GUCY1B1: variants seen among roughly 807,000 people sequenced by gnomAD.
GUCY1B1 encodes guanylate cyclase soluble subunit beta-1.
GUCY1B1 carries 43 observed loss-of-function variants against 71.0 expected under a neutral mutation model. That is an observed-to-expected ratio of 0.61 (90% CI 0.47 to 0.78). The LOEUF is 0.78. Among genes scored for constraint, GUCY1B1 ranks in the 30% least tolerant of loss-of-function variants. The pLI, the probability that GUCY1B1 is intolerant of heterozygous loss-of-function variation, is 0.00. For missense variants in GUCY1B1, 535 were observed against 754.1 expected (o/e 0.71, Z 3.40); for synonymous variants, 266 against 259.7 (o/e 1.02, Z -0.23).
At chr4:155,782,341 G>A (rs1231008192) in intron 4 of GUCY1B1, among the ~76,000 whole-genome samples, 1 of 152,066 alleles carries the variant, frequency 6.6e-6, no homozygotes, top group African/African-American at 2.4e-5. Flanking sequence ...CGCCCGCCTC[G>A]GCCTCCCAAA....
rs1330125671 is a variant in GUCY1B1, at chr4:155,795,192, G to C, written c.727-149G>C. ...AGTTGTATAGATTGAGATTTGAGTTGATAGTTCAGCTAAGTTTCCCTTGAA... is the reference window on the plus strand; with the variant it reads ...AGTTGTATAGATTGAGATTTGAGTTCATAGTTCAGCTAAGTTTCCCTTGAA... On this transcript the variant is annotated intron_variant, in intron 6 of 13. Coordinates refer to ENST00000264424, the MANE Select transcript of GUCY1B1 (RefSeq NM_000857.5). The C allele has an allele frequency of 1.6e-5, 8 of 506,518 alleles. No homozygotes were observed. In the East Asian group the frequency reaches 2.5e-4, roughly 16 times the overall value. The allele number at this position is 506,518 out of a possible 1,614,324, so 31.4% of individuals were successfully genotyped here.
chr4:155,804,670 G>T lies in GUCY1B1; in HGVS notation c.1632G>T (p.Gly544=). 1 of 1,613,084 alleles carries T rather than the reference G, an allele frequency of 6.2e-7. No individual in the cohort carries two copies. Among genetic ancestry groups the T allele is most frequent in the Admixed American group, 1.7e-5 (1 of 59,936 alleles). ...GQRMPRYCLF[G]NTVNLTSRTE... ...GGATGCCTCGATACTGTCTTTTTGG[G>T]AATACTGTCAACCTCACAAGCCGAA... is the stretch of plus-strand genomic sequence containing the variant. Residue 544 remains glycine (G), a synonymous_variant, in exon 12 of 14, where the codon GGG becomes GGT. Coordinates refer to ENST00000264424, the MANE Select transcript of GUCY1B1 (RefSeq NM_000857.5).
chr4:155,761,545 T>C (rs28677777), intron 2 of GUCY1B1, among the ~76,000 whole-genome samples: 2,914 of 152,268 alleles, frequency 0.019, 91 homozygotes, highest in African/African-American at 0.067. Flanking sequence ...TCAGTTTAGA[T>C]CACTGTTAAA....
intron 4 of GUCY1B1, among the ~76,000 whole-genome samples, chr4:155,789,105 A>G (rs571435535): frequency 6.6e-6 from 1 of 152,384 alleles, no homozygotes; most frequent in East Asian, 1.9e-4. Context: ...GTTATTTCAC[A>G]GATTAGCTAT....
rs1289628062 is a variant in GUCY1B1 at position 155,759,078 on chromosome 4, C to CCT, written c.-62_-61dup. ...TGCGCTGTAGCCGCTGCCGCCTCTG[C>CCT]CTGGGTCCCTTCGGCCGTACCTCTG... On this transcript the variant is annotated 5_prime_UTR_variant, in exon 1 of 14. Transcript: ENST00000264424. 3.4e-5 allele frequency: 53 copies of CCT among 1,553,018 alleles called. No individual in the cohort carries two copies. In the Middle Eastern group the frequency reaches 5.0e-4, roughly 15 times the overall value.
intron 5 of GUCY1B1, among the ~76,000 whole-genome samples, chr4:155,790,589 T>C (rs1050535859): frequency 2.0e-5 from 3 of 152,216 alleles, no homozygotes; most frequent in Non-Finnish European, 4.4e-5. Flanking sequence ...GTGTTCAGCA[T>C]GTTCATACCC....
intron 4 of GUCY1B1, 43 bp downstream of exon 4, chr4:155,777,685 A>G (rs1377119619): frequency 1.1e-6 from 1 of 937,636 alleles, no homozygotes; most frequent in Non-Finnish European, 1.8e-6. Context: ...CTGTGTTTAT[A>G]ACTCTCAAAT....
intron 4 of GUCY1B1, among the ~76,000 whole-genome samples, chr4:155,780,947 A>G (rs1033260472): frequency 2.6e-5 from 4 of 152,192 alleles, no homozygotes; most frequent in African/African-American, 9.6e-5. Context: ...TACTGAAATC[A>G]TAACATGGGA....
At chr4:155,801,196 C>T (rs1036619568) in intron 9 of GUCY1B1, among the ~76,000 whole-genome samples, 1 of 152,092 alleles carries the variant, frequency 6.6e-6, no homozygotes, top group Non-Finnish European at 1.5e-5. Flanking sequence ...GTCTTTAATA[C>T]GAGTAGCTGA....
intron 12 of GUCY1B1, 78 bp from the exon 13 acceptor site, chr4:155,805,025 T>G (rs1283933882): frequency 1.5e-6 from 2 of 1,297,876 alleles, no homozygotes; most frequent in African/African-American, 3.0e-5. Flanking sequence ...CCATCTTGGT[T>G]TATAACATGA....
intron 2 of GUCY1B1, among the ~76,000 whole-genome samples, chr4:155,772,311 A>T (rs1218984992): frequency 1.3e-5 from 2 of 152,202 alleles, no homozygotes; most frequent in Non-Finnish European, 2.9e-5. Context: ...TAGTACTTTA[A>T]CTGCTTAGAA....
chr4:155,763,935 G>A (rs748933333), intron 2 of GUCY1B1, among the ~76,000 whole-genome samples: 17 of 151,792 alleles, frequency 1.1e-4, no homozygotes, highest in East Asian at 3.9e-4. Flanking sequence ...TAAACTTTCC[G>A]TTCCCCAATT....
intron 1 of GUCY1B1, 173 bp from the exon 2 acceptor site, chr4:155,759,614 T>C (rs1041732225): frequency 1.9e-6 from 1 of 540,486 alleles, no homozygotes; most frequent in African/African-American, 2.0e-5. Flanking sequence ...GATTGGGGGG[T>C]TGCGCCCCCA....
chr4:155,767,795 A>C (rs984690010), intron 2 of GUCY1B1, among the ~76,000 whole-genome samples: 1 of 152,150 alleles, frequency 6.6e-6, no homozygotes, highest in African/African-American at 2.4e-5. Flanking sequence ...CTTAGAGGCT[A>C]TTCATGCTCC....
rs188202264 is a variant in GUCY1B1 at position 155,807,745 on chromosome 4, A to T, written c.*1336A>T. Among the ~76,000 whole-genome samples the T allele has an allele frequency of 6.6e-6, 1 of 152,222 alleles. No homozygotes were observed. The highest frequency in any genetic ancestry group is 1.9e-4 in the East Asian group (1 of 5,190). On this transcript the variant is annotated 3_prime_UTR_variant, in exon 14 of 14. Coordinates refer to ENST00000264424, the MANE Select transcript of GUCY1B1 (RefSeq NM_000857.5). ...TAGACAGCATATTCTTAAATGCTATATTTCTTTTTAATACCAACAGAGTGA... is the reference window on the plus strand; with the variant it reads ...TAGACAGCATATTCTTAAATGCTATTTTTCTTTTTAATACCAACAGAGTGA...
At position 155,796,476 on chromosome 4, in the gene GUCY1B1, G is replaced by A; in HGVS notation, c.943G>A (p.Glu315Lys). 1.9e-6 allele frequency: 3 copies of A among 1,609,918 alleles called. No homozygotes were observed. Among genetic ancestry groups the A allele is most frequent in the Non-Finnish European group, 2.6e-6 (3 of 1,176,268 alleles). Residue 315 changes from glutamate (E) to lysine (K), a missense_variant, in exon 8 of 14, where the codon GAA (glutamate) becomes AAA (lysine). Glu to Lys is a moderately conservative substitution (Grantham distance 56). Coordinates refer to ENST00000264424, the MANE Select transcript of GUCY1B1 (RefSeq NM_000857.5). Reference protein sequence around the residue: ...RLKGQMIYLPEADSILFLCSP... With the variant: ...RLKGQMIYLPKADSILFLCSP... ...CAAGGGTCAAATGATCTACTTACCT[G>A]AAGCAGATAGCATACTTTTTCTATG...
At chr4:155,765,855 A>C (rs1342765169) in intron 2 of GUCY1B1, among the ~76,000 whole-genome samples, 1 of 151,918 alleles carries the variant, frequency 6.6e-6, no homozygotes, top group Non-Finnish European at 1.5e-5. Context: ...CACCCTCCCA[A>C]CCCTCCTGTA....
chr4:155,803,473 G>T, intron 10 of GUCY1B1, 151 bp from the exon 11 acceptor site: 2 of 457,440 alleles, frequency 4.4e-6, no homozygotes, highest in Non-Finnish European at 7.5e-6. Context: ...CATTTTGTTG[G>T]AGTTGAATAT....
At chr4:155,797,837 G>GA (rs1739668329) in intron 8 of GUCY1B1, among the ~76,000 whole-genome samples, 1 of 150,974 alleles carries the variant, frequency 6.6e-6, no homozygotes, top group Admixed American at 6.6e-5. Context: ...TAATATATCA[G>GA]ATAATATAAG....
Sources: gnomAD v4.1 joint callset for allele counts (sites outside exome capture counted in the v4.1 genomes callset) on GRCh38, gnomAD v4.1.1 for gene constraint, MANE v1.5 for transcripts, NCBI Gene and HGNC (gene_info 2026-07-23, HGNC 2026-07-21) for gene names.